Variants in OBP2B observed in about 807,000 individuals in gnomAD.
OBP2B encodes odorant binding protein 2B.
In OBP2B, 10 loss-of-function variants were observed where a neutral mutation model predicts 21.7. That is an observed-to-expected ratio of 0.46 (90% CI 0.28 to 0.78). The LOEUF (loss-of-function observed/expected upper bound fraction) is 0.78. Among genes scored for constraint, OBP2B ranks in the 30% least tolerant of loss-of-function variants. OBP2B has a pLI of 0.11. For synonymous variants in OBP2B, 73 were observed against 91.5 expected (o/e 0.80, Z 1.16); for missense variants, 153 against 217.7 (o/e 0.70, Z 1.87).
chr9:133,208,438 C>A (rs550326279), intron 2 of OBP2B, 31 bp downstream of exon 2: 2 of 1,606,130 alleles, frequency 1.2e-6, no homozygotes, highest in African/African-American at 1.3e-5. Flanking sequence ...GCGAAAGTGG[C>A]CTGAGGGGCC....
At chr9:133,223,022 C>T in the OBP2B span, among the ~76,000 whole-genome samples, 2 of 152,176 alleles carry the variant, frequency 1.3e-5, no homozygotes, top group South Asian at 4.1e-4. This position sits in a 1 kb window ranked among gnomAD's most constrained non-coding sequence, Gnocchi z 4.4. Context: ...CTGAATAAAA[C>T]CTGTCCTCAC....
chr9:133,206,560 G>A, intron 4 of OBP2B, 144 bp from the exon 5 acceptor site: 2 of 1,030,564 alleles, frequency 1.9e-6, no homozygotes, highest in East Asian at 5.2e-5. Context: ...GGGTGGGGCT[G>A]GGGACAGAGG....
chr9:133,207,548 G>A (rs1360438479), intron 3 of OBP2B, among the ~76,000 whole-genome samples: 5 of 152,142 alleles, frequency 3.3e-5, no homozygotes, highest in Non-Finnish European at 7.4e-5. Flanking sequence ...GCCAGAGCAC[G>A]TCCAGGACTA....
intron 6 of OBP2B, 176 bp from the exon 7 acceptor site, chr9:133,205,587 G>A: frequency 1.6e-6 from 1 of 609,928 alleles, no homozygotes; most frequent in South Asian, 2.0e-5. Context: ...CATCCTTGGT[G>A]GGTGGATGGT....
chr9:133,215,171 T>C, the OBP2B span, among the ~76,000 whole-genome samples: 1 of 152,174 alleles, frequency 6.6e-6, no homozygotes, highest in Non-Finnish European at 1.5e-5. Context: ...ATACTACTTA[T>C]AGTGGCTAAA....
chr9:133,216,117 T>C, the OBP2B span, among the ~76,000 whole-genome samples: 203 of 151,964 alleles, frequency 1.3e-3, no homozygotes, highest in African/African-American at 4.7e-3. Flanking sequence ...CCTTTTGCTC[T>C]GTAAGAGACC....
At chr9:133,206,114 G>T (rs1439489699) in intron 5 of OBP2B, among the ~76,000 whole-genome samples, 174 bp from the exon 6 acceptor site, 2 of 141,646 alleles carry the variant, frequency 1.4e-5, no homozygotes, top group South Asian at 4.5e-4. Context: ...CCCAGAGCGC[G>T]GAGCCCCAGA....
rs782379146 is a variant in OBP2B at position 133,208,584 on chromosome 9, C to T, written c.91G>A (p.Val31Met). 159 of 1,610,480 alleles carry T rather than the reference C, an allele frequency of 9.9e-5. No individual in the cohort carries two copies. The highest frequency in any genetic ancestry group is 9.4e-5 in the Non-Finnish European group (111 of 1,177,934). ...EEEDITGTWY[V>M]KAMVVDKDFP... ...TCCTTATCGACCACCATGGCCTTCA[C>T]GTACCAGGTCCCTGTGATCTGGAGC... The change falls in exon 2 of 7, where the codon GTG becomes ATG. Residue 31 changes from valine (V) to methionine (M), a missense_variant. Val to Met is a conservative substitution (Grantham distance 21, BLOSUM62 1). This residue lies in a region of OBP2B where 151 missense variants were observed against 186.3 expected (regional missense o/e 0.81). Coordinates refer to ENST00000372034, the MANE Select transcript of OBP2B (RefSeq NM_014581.4).
the OBP2B span, among the ~76,000 whole-genome samples, chr9:133,222,730 CA>C: frequency 6.6e-6 from 1 of 150,610 alleles, no homozygotes; most frequent in Admixed American, 6.6e-5. Context: ...GACTCCAAAA[CA>C]AAAAAAAAGT....
the OBP2B span, among the ~76,000 whole-genome samples, chr9:133,218,045 G>A: frequency 6.6e-6 from 1 of 152,246 alleles, no homozygotes; most frequent in Non-Finnish European, 1.5e-5. Context: ...AAGTGGACAA[G>A]TTGGACAGGA....
chr9:133,218,841 C>T, the OBP2B span, among the ~76,000 whole-genome samples: 2 of 152,184 alleles, frequency 1.3e-5, no homozygotes, highest in Non-Finnish European at 2.9e-5. Flanking sequence ...TAGGAGAGCC[C>T]TCTGCAGAGG....
chr9:133,221,194 C>T, the OBP2B span, among the ~76,000 whole-genome samples: 1 of 152,226 alleles, frequency 6.6e-6, no homozygotes, highest in Non-Finnish European at 1.5e-5. Flanking sequence ...GCATGAATAT[C>T]TATTCCCAGT....
the OBP2B span, among the ~76,000 whole-genome samples, chr9:133,217,309 A>AT: frequency 6.6e-6 from 1 of 152,216 alleles, no homozygotes; most frequent in Non-Finnish European, 1.5e-5. Flanking sequence ...CCAGCTATCA[A>AT]TGTCTTGCCT....
At chr9:133,207,204 C>T in intron 4 of OBP2B, 22 bp downstream of exon 4, 1 of 1,532,456 alleles carries the variant, frequency 6.5e-7, no homozygotes, top group East Asian at 2.2e-5. Context: ...GCAGGACACG[C>T]AGACCCCAGC....
chr9:133,208,729 G>C, intron 1 of OBP2B, 127 bp from the exon 2 acceptor site: 1 of 1,475,476 alleles, frequency 6.8e-7, no homozygotes, highest in South Asian at 1.4e-5. Flanking sequence ...GGCAGGCTGT[G>C]TTCCTGCACC....
Position 133,205,304 on chromosome 9 carries a change from T to G in OBP2B, c.*109A>C. ...TGGGGGAGAAGGACTTTATTTGGAG[T>G]CAGGTGGGTGGGAGCAGGGAAGGGT... On this transcript the variant is annotated 3_prime_UTR_variant, in exon 7 of 7. Coordinates refer to ENST00000372034, the MANE Select transcript of OBP2B (RefSeq NM_014581.4). The G allele has an allele frequency of 6.7e-7, 1 of 1,493,960 alleles. No homozygotes were observed. Among genetic ancestry groups the G allele is most frequent in the Non-Finnish European group, 9.0e-7 (1 of 1,106,658 alleles). The allele number at this position is 1,493,960 out of a possible 1,614,324, so 92.5% of individuals were successfully genotyped here.
chr9:133,213,652 G>A (rs1332320107), upstream of OBP2B, among the ~76,000 whole-genome samples: 1 of 152,126 alleles, frequency 6.6e-6, no homozygotes, highest in Non-Finnish European at 1.5e-5. Context: ...GATAATAAGG[G>A]AATACTACGA....
upstream of OBP2B, among the ~76,000 whole-genome samples, chr9:133,212,308 C>G (rs1293846601): frequency 2.6e-5 from 4 of 152,106 alleles, no homozygotes; most frequent in African/African-American, 9.7e-5. Context: ...AGAACTCGGC[C>G]ACCCATCAAT....
At chr9:133,223,082 T>C in the OBP2B span, among the ~76,000 whole-genome samples, 3 of 152,192 alleles carry the variant, frequency 2.0e-5, no homozygotes, top group Admixed American at 2.0e-4. The surrounding 1 kb of genome is among the most constrained non-coding windows in gnomAD (Gnocchi z 4.4). Context: ...GTATCCAAAA[T>C]GCCGTATTTA....
Sources: gnomAD v4.1 joint callset for allele counts (sites outside exome capture counted in the v4.1 genomes callset) on GRCh38, gnomAD v4.1.1 for gene constraint, gnomAD v4.1.1 regional missense constraint, Gnocchi (gnomAD v3.1) non-coding constraint, MANE v1.5 for transcripts, NCBI Gene and HGNC (gene_info 2026-07-23, HGNC 2026-07-21) for gene names.